NARS2: variants seen among roughly 807,000 people sequenced by gnomAD.
NARS2 encodes the protein asparaginyl-tRNA synthetase 2, mitochondrial, also known as asparaginyl-tRNA synthetase.
In NARS2, 60 loss-of-function variants were observed where a neutral mutation model predicts 62.9. The observed-to-expected ratio is 0.95, with a 90% confidence interval of 0.77 to 1.18. The LOEUF (loss-of-function observed/expected upper bound fraction) is 1.18. NARS2 is among the 50% of genes most tolerant of loss of function. The pLI, the probability that NARS2 is intolerant of heterozygous loss-of-function variation, is 0.00. For missense variants in NARS2, 619 were observed against 576.4 expected (o/e 1.07, Z -0.76); for synonymous variants, 196 against 200.0 (o/e 0.98, Z 0.17).
chr11:78,552,413 C>CTCCG (rs1446565288), intron 5 of NARS2, among the ~76,000 whole-genome samples: 23 of 152,112 alleles, frequency 1.5e-4, no homozygotes, highest in African/African-American at 5.3e-4. Context: ...CTTAGGTTGA[C>CTCCG]TCCGTATCTT....
At chr11:78,500,850 T>G (rs1186230183) in intron 6 of NARS2, among the ~76,000 whole-genome samples, 1 of 152,192 alleles carries the variant, frequency 6.6e-6, no homozygotes, top group Non-Finnish European at 1.5e-5. Context: ...CCAAACACTT[T>G]GGAAGGCCGA....
At chr11:78,480,619 T>TAAAA (rs10623671) in intron 7 of NARS2, among the ~76,000 whole-genome samples, 3,834 of 124,778 alleles carry the variant, frequency 0.031, 167 homozygotes, top group African/African-American at 0.099. Flanking sequence ...TCTAATTAAG[T>TAAAA]AAAAAAAAAA....
At chr11:78,481,102 T>G (rs7131199) in intron 7 of NARS2, among the ~76,000 whole-genome samples, 29,309 of 151,948 alleles carry the variant, frequency 0.19, 3,365 homozygotes, top group East Asian at 0.42. Flanking sequence ...ATTACAGGCA[T>G]GAGCCACCAC....
At chr11:78,450,394 T>C (rs1253232919) in intron 11 of NARS2, among the ~76,000 whole-genome samples, 6 of 152,172 alleles carry the variant, frequency 3.9e-5, no homozygotes, top group Non-Finnish European at 8.8e-5. Context: ...TATCTTTACT[T>C]GGTACTAATT....
chr11:78,525,798 A>G (rs1419523756), intron 6 of NARS2, among the ~76,000 whole-genome samples: 2 of 152,116 alleles, frequency 1.3e-5, no homozygotes, highest in African/African-American at 2.4e-5. Flanking sequence ...TACCTTATCC[A>G]AGTAATGAAG....
chr11:78,453,995 T>C (rs1410023444), intron 11 of NARS2, among the ~76,000 whole-genome samples: 1 of 152,232 alleles, frequency 6.6e-6, no homozygotes, highest in East Asian at 1.9e-4. Context: ...GTATTCCCTT[T>C]CCCTCATGGT....
chr11:78,523,221 G>A (rs1376760903), intron 6 of NARS2, among the ~76,000 whole-genome samples: 1 of 152,142 alleles, frequency 6.6e-6, no homozygotes, highest in Non-Finnish European at 1.5e-5. Flanking sequence ...CTTTAATGAT[G>A]AAAACCCATC....
At chr11:78,455,291 A>G (rs1419567683) in intron 11 of NARS2, among the ~76,000 whole-genome samples, 3 of 152,208 alleles carry the variant, frequency 2.0e-5, no homozygotes, top group African/African-American at 7.2e-5. Context: ...TATAGCATAG[A>G]ATTTTAATTT....
intron 6 of NARS2, among the ~76,000 whole-genome samples, chr11:78,508,360 G>A (rs762012375): frequency 1.3e-5 from 2 of 152,110 alleles, no homozygotes; most frequent in Non-Finnish European, 2.9e-5. Context: ...AAGCCGAGGC[G>A]GGCAGACCAC....
chr11:78,446,581 A>G (rs1200173502), intron 11 of NARS2, among the ~76,000 whole-genome samples: 3 of 152,194 alleles, frequency 2.0e-5, no homozygotes, highest in African/African-American at 7.2e-5. Context: ...CAACTTTGGA[A>G]AAGAATAGTC....
chr11:78,533,824 C>T (rs905073271), intron 5 of NARS2, among the ~76,000 whole-genome samples: 1 of 152,214 alleles, frequency 6.6e-6, no homozygotes, highest in Non-Finnish European at 1.5e-5. Context: ...TTCCCCTAAC[C>T]CCTGGAAACC....
At chr11:78,475,580 CTTTTTTT>C (rs377023107) in intron 9 of NARS2, among the ~76,000 whole-genome samples, 25 of 93,984 alleles carry the variant, frequency 2.7e-4, no homozygotes, top group African/African-American at 7.6e-4. Flanking sequence ...TATCATTTGA[CTTTTTTT>C]TTTTTTTTTT....
At chr11:78,498,919 G>A (rs11237523) in intron 6 of NARS2, among the ~76,000 whole-genome samples, 1 of 78,906 alleles carries the variant, frequency 1.3e-5, no homozygotes, top group Non-Finnish European at 2.2e-5. Context: ...TTTTTTTTGA[G>A]ATGGAGTCTC....
chr11:78,539,113 G>A (rs1050415091), intron 5 of NARS2, among the ~76,000 whole-genome samples: 4 of 149,470 alleles, frequency 2.7e-5, no homozygotes, highest in African/African-American at 4.9e-5. Context: ...TAAGATCACA[G>A]AGCAGCCACT....
At chr11:78,468,438 T>C (rs1466827723) in intron 10 of NARS2, among the ~76,000 whole-genome samples, 1 of 149,810 alleles carries the variant, frequency 6.7e-6, no homozygotes, top group Non-Finnish European at 1.5e-5. Flanking sequence ...AGATGGAGTC[T>C]CGCTGTTGCC....
At chr11:78,503,503 G>T (rs7931841) in intron 6 of NARS2, among the ~76,000 whole-genome samples, 102,184 of 152,076 alleles carry the variant, frequency 0.67, 36,492 homozygotes, top group Non-Finnish European at 0.81. Context: ...CTCCCAAAGG[G>T]CTGGGATTAC....
chr11:78,466,966 G>A (rs529116435), intron 10 of NARS2, among the ~76,000 whole-genome samples: 15 of 132,582 alleles, frequency 1.1e-4, no homozygotes, highest in Non-Finnish European at 1.8e-4. Context: ...GAAGCTTCCA[G>A]GGTTAGGAGA....
At chr11:78,564,270 A>C (rs1590871525) in intron 4 of NARS2, among the ~76,000 whole-genome samples, 1 of 152,148 alleles carries the variant, frequency 6.6e-6, no homozygotes, top group Non-Finnish European at 1.5e-5. Flanking sequence ...AACACGGATC[A>C]CTGCAGCCTC....
intron 9 of NARS2, among the ~76,000 whole-genome samples, chr11:78,474,074 T>G (rs1858985500): frequency 6.6e-6 from 1 of 152,236 alleles, no homozygotes; most frequent in African/African-American, 2.4e-5. Flanking sequence ...TCTCCTACTT[T>G]CTAGTGAATT....
Sources: allele counts gnomAD v4.1 joint callset (sites outside exome capture counted in the v4.1 genomes callset), GRCh38; gene constraint gnomAD v4.1.1; transcripts MANE v1.5; gene names NCBI Gene and HGNC (gene_info 2026-07-23, HGNC 2026-07-21).